TMEM141: variants seen among roughly 807,000 people sequenced by gnomAD.
TMEM141 encodes transmembrane protein 141.
Under a neutral mutation model 15.9 loss-of-function variants are expected in TMEM141, and 18 were observed. The ratio of observed to expected loss-of-function variants is 1.13; its 90% CI spans 0.78 to 1.68. The LOEUF is 1.68. Ranked by LOEUF, TMEM141 falls within the 40% of genes most tolerant of loss-of-function variation. TMEM141 has a pLI of 0.00. For synonymous variants in TMEM141, 69 were observed against 54.0 expected (o/e 1.28, Z -1.22); for missense variants, 161 against 139.5 (o/e 1.15, Z -0.78).
Position 136,792,257 on chromosome 9 carries a change from G to A in TMEM141, c.212G>A (p.Gly71Asp), listed in dbSNP as rs542322833. Residue 71 changes from glycine (G) to aspartate (D), a missense_variant, in exon 4 of 5, where the codon GGC (glycine) becomes GAC (aspartate). Transcript: ENST00000290079. Reference protein sequence around the residue: ...QWSLLVAVVAGSVVSYGVTRV... With the variant: ...QWSLLVAVVADSVVSYGVTRV... ...TCCATTTCCTGCTCCACAGTTGCAG[G>A]CTCTGTGGTCAGCTACGGGGTGACG... 3.8e-6 allele frequency: 6 copies of A among 1,580,872 alleles called. No homozygotes were observed. Among genetic ancestry groups the A allele is most frequent in the African/African-American group, 1.3e-5 (1 of 74,174 alleles).
rs944026063 is a variant in TMEM141 at position 136,791,980 on chromosome 9, T to G, written c.155T>G (p.Ile52Ser). The stretch of plus-strand genomic sequence containing the variant: ...ATGGCCTTTGGCTTGCAGATGTTCA[T>G]TCAGAGGAAGTTTCCATACCCTTTG... The part of the protein sequence containing the change: ...TGMAFGLQMF[I>S]QRKFPYPLQW... Residue 52 changes from isoleucine to serine, a missense_variant, in exon 3 of 5, where the codon ATT (isoleucine) becomes AGT (serine). Physicochemically the swap from Ile to Ser is moderately radical, Grantham distance 142. Transcript: ENST00000290079. The G allele has an allele frequency of 3.5e-5, 56 of 1,614,118 alleles. No homozygotes were observed. The East Asian group carries it at 1.2e-3, about 36-fold the overall frequency.
In TMEM141 at chr9:136,791,734, C is replaced by T. The variant is rs146663293; in HGVS notation, c.78C>T (p.Cys26=). The part of the protein sequence containing the change: ...KHPGLGEYAA[C]QSHAFMKGVF... ...AGGGACTCGGGGAGTATGCCGCATG[C>T]CAGTCACACGCCTTCATGAAGGGCG... The change falls in exon 2 of 5, where the codon TGC becomes TGT. Residue 26 remains cysteine, a synonymous_variant. Transcript: ENST00000290079. 65 of 1,613,346 alleles carry T rather than the reference C, an allele frequency of 4.0e-5. No homozygotes were observed. The highest frequency in any genetic ancestry group is 3.3e-4 in the Middle Eastern group (2 of 6,084).
At position 136,793,199 on chromosome 9, in the gene TMEM141, C is replaced by T. The variant is rs1847608649; in HGVS notation, c.*367C>T. On this transcript the variant is annotated 3_prime_UTR_variant, in exon 5 of 5. Coordinates refer to ENST00000290079, the MANE Select transcript of TMEM141 (RefSeq NM_032928.4). ...TCTAGCCCCTGCATCTCCAACAAGT[C>T]CAAGGTGACAGCTGGTGCTAGGGGC... 5.7e-6 allele frequency: 1 copy of T among 175,756 alleles called. No homozygotes were observed. The allele number at this position is 175,756 out of a possible 1,614,324, so 10.9% of individuals were successfully genotyped here. A position where few individuals can be genotyped will look rare whatever the true frequency, so the allele number is the denominator to read the frequency against.
At position 136,792,866 on chromosome 9, in the gene TMEM141, C is replaced by A; in HGVS notation, c.*34C>A. 2.0e-6 allele frequency: 3 copies of A among 1,525,632 alleles called. No individual in the cohort carries two copies. Among genetic ancestry groups the A allele is most frequent in the South Asian group, 2.6e-5 (2 of 77,170 alleles). The allele number at this position is 1,525,632 out of a possible 1,614,324, so 94.5% of individuals were successfully genotyped here. On this transcript the variant is annotated 3_prime_UTR_variant, in exon 5 of 5. Transcript: ENST00000290079. ...CAGCAGGGGCACAGAGGATTGGGGG[C>A]AGGAGGAGTCTGGAACACAGCCTTC...
rs200908604 is a variant in TMEM141, at chr9:136,792,292, T to A, written c.247T>A (p.Ser83Thr). 6.3e-7 allele frequency: 1 copy of A among 1,589,194 alleles called. No homozygotes were observed. The highest frequency in any genetic ancestry group is 8.6e-7 in the Non-Finnish European group (1 of 1,167,616). The change falls in exon 4 of 5, where the codon TCG becomes ACG. Residue 83 changes from serine to threonine, a missense_variant. Transcript: ENST00000290079. ...VVSYGVTRVE[S>T]EKCNNLWLFL... ...CAGCTACGGGGTGACGAGAGTGGAG[T>A]CGGAGAAATGCAACAACCTCTGGCT...
At chr9:136,791,458 C>A (rs1236981594) in intron 1 of TMEM141, 34 bp downstream of exon 1, 3 of 1,551,322 alleles carry the variant, frequency 1.9e-6, no homozygotes, top group African/African-American at 1.4e-5. Flanking sequence ...GGGCCTCAAA[C>A]CCCAGAAGCT....
Position 136,792,040 on chromosome 9 carries a change from C to T in TMEM141, c.205+10C>T, listed in dbSNP as rs1253286873. 6.2e-7 allele frequency: 1 copy of T among 1,613,706 alleles called. No individual in the cohort carries two copies. The highest frequency in any genetic ancestry group is 1.1e-5 in the South Asian group (1 of 91,064). ...CTCCTAGTGGCCGTGGGTGGGTACTCCAGGGCCCCTGCCTGGGCTCTTTGA... is the reference window on the plus strand; with the variant it reads ...CTCCTAGTGGCCGTGGGTGGGTACTTCAGGGCCCCTGCCTGGGCTCTTTGA... On this transcript the variant is annotated intron_variant, in intron 3 of 4. Transcript: ENST00000290079.
Position 136,791,985 on chromosome 9 carries a change from AG to A in TMEM141, c.162del (p.Lys55SerfsTer11). ...CTTTGGCTTGCAGATGTTCATTCAGAGGAAGTTTCCATACCCTTTGCAGTGG... is the reference window on the plus strand; with the variant it reads ...CTTTGGCTTGCAGATGTTCATTCAGAGAAGTTTCCATACCCTTTGCAGTGG... The part of the protein sequence containing the change: ...MAFGLQMFIQ[R>X]KFPYPLQWSL... On this transcript the variant is annotated frameshift_variant, in exon 3 of 5. Transcript: ENST00000290079. LOFTEE classifies it high-confidence loss of function. The A allele has an allele frequency of 6.2e-7, 1 of 1,614,010 alleles. No homozygotes were observed. The highest frequency in any genetic ancestry group is 1.7e-5 in the Admixed American group (1 of 60,024).
Position 136,791,398 on chromosome 9 carries a change from G to C in TMEM141, c.28G>C (p.Asp10His), listed in dbSNP as rs1483063005. 6.4e-7 allele frequency: 1 copy of C among 1,560,308 alleles called. No homozygotes were observed. The highest frequency in any genetic ancestry group is 8.7e-7 in the Non-Finnish European group (1 of 1,152,534). ...GGTGAACTTGGGTCTGTCCCGGGTG[G>C]ACGACGCCGTGGCTGCCAAGCACCC... MVNLGLSRVDDAVAAKHPGL... is the reference protein window; with the variant it reads MVNLGLSRVHDAVAAKHPGL... The change falls in exon 1 of 5, where the codon GAC becomes CAC. Residue 10 changes from aspartate to histidine, a missense_variant. By Grantham distance (81) the Asp-to-His change is moderately conservative (BLOSUM62 -1). Coordinates refer to ENST00000290079, the MANE Select transcript of TMEM141 (RefSeq NM_032928.4).
At chr9:136,791,888 G>A in intron 2 of TMEM141, 59 bp from the exon 3 acceptor site, 1 of 1,612,296 alleles carries the variant, frequency 6.2e-7, no homozygotes, top group South Asian at 1.1e-5. Context: ...TGGGGGCCTG[G>A]CAAGGTGGGC....
intron 1 of TMEM141, 85 bp downstream of exon 1, chr9:136,791,509 C>T (rs1435935031): frequency 1.3e-6 from 2 of 1,545,710 alleles, no homozygotes; most frequent in Non-Finnish European, 1.7e-6. Flanking sequence ...GGGGTGCCCT[C>T]GTCAGGGAAG....
Position 136,792,942 on chromosome 9 carries a change from C to T in TMEM141, c.*110C>T. ...TCCCCACACCCTAGGGTACCCCAGT[C>T]GTATCCTCTGTCCGCATGTGTGGCC... is the stretch of plus-strand genomic sequence containing the variant. On this transcript the variant is annotated 3_prime_UTR_variant, in exon 5 of 5. Transcript: ENST00000290079. The T allele has an allele frequency of 7.4e-7, 1 of 1,353,912 alleles. No homozygotes were observed. The highest frequency in any genetic ancestry group is 9.6e-7 in the Non-Finnish European group (1 of 1,043,934). 83.9% of individuals were successfully genotyped at this position (1,353,912 alleles called of 1,614,324 possible).
intron 4 of TMEM141, among the ~76,000 whole-genome samples, chr9:136,792,598 G>C (rs1847602239): frequency 6.6e-6 from 1 of 152,238 alleles, no homozygotes; most frequent in African/African-American, 2.4e-5. Flanking sequence ...CTGAGATTGA[G>C]AGGAAGGGTG....
Position 136,791,403 on chromosome 9 carries a change from C to T in TMEM141, c.33C>T (p.Asp11=), listed in dbSNP as rs866040966. 5 of 1,559,764 alleles carry T rather than the reference C, an allele frequency of 3.2e-6. No individual in the cohort carries two copies. The highest frequency in any genetic ancestry group is 4.3e-6 in the Non-Finnish European group (5 of 1,152,208). MVNLGLSRVD[D]AVAAKHPGLG... ...ACTTGGGTCTGTCCCGGGTGGACGA[C>T]GCCGTGGCTGCCAAGCACCCGGTGA... is the stretch of plus-strand genomic sequence containing the variant. The change falls in exon 1 of 5, where the codon GAC becomes GAT. Residue 11 remains aspartate (D), a synonymous_variant. Transcript: ENST00000290079.
At chr9:136,792,574 G>A (rs972483276) in intron 4 of TMEM141, among the ~76,000 whole-genome samples, 2 of 152,234 alleles carry the variant, frequency 1.3e-5, no homozygotes, top group East Asian at 1.9e-4. Context: ...GAACCAAGAG[G>A]GGCTGGGGTG....
chr9:136,792,202 G>T, intron 3 of TMEM141, 49 bp from the exon 4 acceptor site: 2 of 1,539,374 alleles, frequency 1.3e-6, no homozygotes, highest in Non-Finnish European at 1.8e-6. Flanking sequence ...GGTTCTCTTA[G>T]CCTGGGAAGC....
chr9:136,791,849 G>A (rs1847593543), intron 2 of TMEM141, 72 bp downstream of exon 2: 1 of 1,608,548 alleles, frequency 6.2e-7, no homozygotes, highest in Non-Finnish European at 8.5e-7. Flanking sequence ...TCCCCAGCAG[G>A]GGGCGCCAAG....
At position 136,792,294 on chromosome 9, in the gene TMEM141, G is replaced by C; in HGVS notation, c.249G>C (p.Ser83=). The C allele has an allele frequency of 6.3e-7, 1 of 1,590,182 alleles. No individual in the cohort carries two copies. Among genetic ancestry groups the C allele is most frequent in the Non-Finnish European group, 8.6e-7 (1 of 1,167,840 alleles). ...GCTACGGGGTGACGAGAGTGGAGTC[G>C]GAGAAATGCAACAACCTCTGGCTCT... ...VVSYGVTRVE[S]EKCNNLWLFL... is the part of the protein sequence containing the mutation. The change falls in exon 4 of 5, where the codon TCG becomes TCC. Residue 83 remains serine, a synonymous_variant. Coordinates refer to ENST00000290079, the MANE Select transcript of TMEM141 (RefSeq NM_032928.4).
Position 136,791,695 on chromosome 9 carries a change from G to A in TMEM141, c.55-16G>A. On this transcript the variant is annotated splice_polypyrimidine_tract_variant and intron_variant, in intron 1 of 4. Transcript: ENST00000290079. ...AGGGCAGGGGATCGAGCCTTCACCC[G>A]CCTCTGCCACCCCAGGGACTCGGGG... 1 of 1,612,010 alleles carries A rather than the reference G, an allele frequency of 6.2e-7. No individual in the cohort carries two copies. Among genetic ancestry groups the A allele is most frequent in the South Asian group, 1.1e-5 (1 of 90,984 alleles).
Sources: gnomAD v4.1 joint callset for allele counts (sites outside exome capture counted in the v4.1 genomes callset) on GRCh38, gnomAD v4.1.1 for gene constraint, MANE v1.5 for transcripts, NCBI Gene and HGNC (gene_info 2026-07-23, HGNC 2026-07-21) for gene names.